The following TTBK2 variants were observed in gnomAD, a reference collection of about 807,000 sequenced individuals.
TTBK2 encodes the protein tau-tubulin kinase 2.
Under a neutral mutation model 110.8 loss-of-function variants are expected in TTBK2, and 28 were observed. That is an observed-to-expected ratio of 0.25 (90% confidence interval 0.19 to 0.35). TTBK2 has a LOEUF of 0.35. TTBK2 is among the 10% of genes least tolerant of loss of function. The probability of loss-of-function intolerance (pLI) is 1.00; values close to 1 mark genes in which losing one functional copy is unlikely to be tolerated. For missense variants in TTBK2, 1,369 were observed against 1,500.3 expected (o/e 0.91, Z 1.45); for synonymous variants, 532 against 527.3 (o/e 1.01, Z -0.12).
chr15:42,784,905 G>C (rs1238606130), intron 10 of TTBK2, among the ~76,000 whole-genome samples: 1 of 152,108 alleles, frequency 6.6e-6, no homozygotes, highest in South Asian at 2.1e-4. Flanking sequence ...TCAGCAGCTG[G>C]GCTTGTAAGA....
chr15:42,765,358 T>C (rs1889311082), intron 13 of TTBK2, among the ~76,000 whole-genome samples: 1 of 152,160 alleles, frequency 6.6e-6, no homozygotes. Context: ...GCAAGGAAGC[T>C]AAAAACCTTG....
chr15:42,902,279 G>A (rs1366383986), intron 1 of TTBK2, among the ~76,000 whole-genome samples: 10 of 151,338 alleles, frequency 6.6e-5, no homozygotes, highest in Non-Finnish European at 8.8e-5. Flanking sequence ...CCAGCATTTC[G>A]GGAGGCCGAG....
In TTBK2 at chr15:42,893,839, GAAC is replaced by G. The variant is rs368846613; in HGVS notation, c.-67-15158_-67-15156del. On this transcript the variant is annotated intron_variant, in intron 1 of 14. Transcript: ENST00000267890. Reference sequence around the variant, plus strand: ...TAAATATATAATTAGGAAACATAATGAACAACATTATACACAGAAAGTGAACAC... The same window carrying G: ...TAAATATATAATTAGGAAACATAATGAACATTATACACAGAAAGTGAACAC... Among the ~76,000 whole-genome samples the G allele has an allele frequency of 6.6e-5, 10 of 152,204 alleles. 1 individual carries two copies. The South Asian group carries it at 1.9e-3, about 28-fold the overall frequency.
intron 5 of TTBK2, 48 bp downstream of exon 5, chr15:42,829,890 T>G: frequency 6.2e-7 from 1 of 1,609,228 alleles, no homozygotes; most frequent in Non-Finnish European, 8.5e-7. Flanking sequence ...CATCATAACA[T>G]TAAAAGTATC....
chr15:42,763,147 T>TACATATATAC (rs1889126972), intron 13 of TTBK2, among the ~76,000 whole-genome samples: 1 of 74,622 alleles, frequency 1.3e-5, no homozygotes, highest in Non-Finnish European at 2.2e-5. Context: ...TACATACATA[T>TACATATATAC]ATATATATAC....
chr15:42,794,796 A>G lies in TTBK2; in HGVS notation c.828T>C (p.Leu276=), dbSNP rs911247081. The G allele has an allele frequency of 1.2e-6, 2 of 1,614,060 alleles. No homozygotes were observed. The highest frequency in any genetic ancestry group is 1.1e-5 in the South Asian group (1 of 91,086). ...TGATGCTATTGTCAAACACGGATGTAAGAAGCTAAACCACAAAGAAAAAAA... is the reference window on the plus strand; with the variant it reads ...TGATGCTATTGTCAAACACGGATGTGAGAAGCTAAACCACAAAGAAAAAAA... ...DYFTKPDYQL[L]TSVFDNSIKT... is the part of the protein sequence containing the mutation. The change falls in exon 10 of 15, where the codon CTT becomes CTC. Residue 276 remains leucine, a synonymous_variant. Coordinates refer to ENST00000267890, the MANE Select transcript of TTBK2 (RefSeq NM_173500.4).
chr15:42,897,823 TACACACACACACACACACAC>T (rs60880098), intron 1 of TTBK2, among the ~76,000 whole-genome samples: 2 of 140,660 alleles, frequency 1.4e-5, no homozygotes, highest in Admixed American at 7.3e-5. Context: ...CCAGTAGTGG[TACACACACACACACACACAC>T]ACACACACAC....
chr15:42,775,036 A>T, intron 13 of TTBK2, 99 bp downstream of exon 13: 1 of 1,291,368 alleles, frequency 7.7e-7, no homozygotes, highest in Non-Finnish European at 1.1e-6. Flanking sequence ...TGCAAAATTT[A>T]GGCCTGTACT....
intron 3 of TTBK2, among the ~76,000 whole-genome samples, chr15:42,852,345 A>G (rs893330121): frequency 1.3e-5 from 2 of 152,240 alleles, no homozygotes; most frequent in African/African-American, 2.4e-5. Flanking sequence ...CTGGGATTAC[A>G]GGCGTGAGCC....
chr15:42,832,151 GAC>G (rs991480714), intron 4 of TTBK2, among the ~76,000 whole-genome samples: 3 of 152,082 alleles, frequency 2.0e-5, no homozygotes, highest in African/African-American at 7.2e-5. Flanking sequence ...TTAAATAAGT[GAC>G]AGTCTACAGC....
In TTBK2 at chr15:42,776,780, ATCAGCTCTTACTGC is replaced by A. The variant is rs1889943785; in HGVS notation, c.1409+237_1409+250del. 1.7e-5 allele frequency: 10 copies of A among 577,550 alleles called. No homozygotes were observed. The East Asian group carries it at 2.9e-4, about 17-fold the overall frequency. 35.8% of individuals were successfully genotyped at this position (577,550 alleles called of 1,614,324 possible). ...AACTTGTACCTAGTGTTAGGAAGTC[ATCAGCTCTTACTGC>A]TCAGCTTCCAAAGCCAAAGGACATG... is the stretch of plus-strand genomic sequence containing the variant. On this transcript the variant is annotated intron_variant, in intron 12 of 14. Coordinates refer to ENST00000267890, the MANE Select transcript of TTBK2 (RefSeq NM_173500.4).
At chr15:42,801,596 C>T (rs760341856) in intron 9 of TTBK2, 12 of 780,236 alleles carry the variant, frequency 1.5e-5, no homozygotes, top group Middle Eastern at 2.5e-4. Context: ...AGCCTGGCTG[C>T]GGTTGGCAAT....
At chr15:42,787,917 A>G (rs1188800745) in intron 10 of TTBK2, among the ~76,000 whole-genome samples, 2 of 152,160 alleles carry the variant, frequency 1.3e-5, no homozygotes, top group African/African-American at 2.4e-5. Context: ...TAAAAAAACT[A>G]TATTGTATAG....
At chr15:42,919,448 G>A (rs2031255567) in intron 1 of TTBK2, among the ~76,000 whole-genome samples, 1 of 152,180 alleles carries the variant, frequency 6.6e-6, no homozygotes. Flanking sequence ...TCAGGGTTTA[G>A]ATACCAATGC....
chr15:42,798,719 T>C (rs1248527131), intron 9 of TTBK2, among the ~76,000 whole-genome samples: 1 of 152,200 alleles, frequency 6.6e-6, no homozygotes, highest in Non-Finnish European at 1.5e-5. Context: ...TTGAGAAATA[T>C]GCTTATACTT....
At chr15:42,837,224 G>A (rs769798387) in intron 4 of TTBK2, among the ~76,000 whole-genome samples, 32 of 151,756 alleles carry the variant, frequency 2.1e-4, no homozygotes, top group Non-Finnish European at 3.8e-4. Context: ...CAGGTGTGGC[G>A]GCGCGCACCT....
In TTBK2 at chr15:42,743,642, CTAA is replaced by C. The variant is rs1566994554; in HGVS notation, c.*2150_*2152del. 1.3e-5 allele frequency: 2 copies of C among 152,208 alleles called. No individual in the cohort carries two copies. The highest frequency in any genetic ancestry group is 4.8e-5 in the African/African-American group (2 of 41,462). The allele number at this position is 152,208 out of a possible 1,614,324, so 9.4% of individuals were successfully genotyped here. A position where few individuals can be genotyped will look rare whatever the true frequency, so the allele number is the denominator to read the frequency against. Reference sequence around the variant, plus strand: ...TCATCATCATCCCAGTTTATCCACTCTAACTATAAGGAGAGAACTATGTGATTA... The same window carrying C: ...TCATCATCATCCCAGTTTATCCACTCCTATAAGGAGAGAACTATGTGATTA... On this transcript the variant is annotated 3_prime_UTR_variant, in exon 15 of 15. Coordinates refer to ENST00000267890, the MANE Select transcript of TTBK2 (RefSeq NM_173500.4).
At chr15:42,766,460 A>AAAAAAAAAAAAAAAAAAAAAAAC in intron 13 of TTBK2, among the ~76,000 whole-genome samples, 2 of 145,808 alleles carry the variant, frequency 1.4e-5, no homozygotes, top group African/African-American at 2.7e-5. Context: ...AAAAAAAAAA[A>AAAAAAAAAAAAAAAAAAAAAAAC]AAAAAAAGCA....
Position 42,826,007 on chromosome 15 carries a change from T to C in TTBK2, c.537+1921A>G, listed in dbSNP as rs140445204. On this transcript the variant is annotated intron_variant, in intron 6 of 14. Transcript: ENST00000267890. Reference sequence around the variant, plus strand: ...CTTAATTTTTTAATGTTTTTTACACTCTTTTGGAATATATATATATATAGC... The same window carrying C: ...CTTAATTTTTTAATGTTTTTTACACCCTTTTGGAATATATATATATATAGC... 4.7e-3 allele frequency among the ~76,000 whole-genome samples: 722 copies of C among 152,184 alleles called. 12 individuals carry two copies. Among genetic ancestry groups the C allele is most frequent in the African/African-American group, 0.017 (690 of 41,508 alleles).
Sources: allele counts gnomAD v4.1 joint callset (sites outside exome capture counted in the v4.1 genomes callset), GRCh38; gene constraint gnomAD v4.1.1; transcripts MANE v1.5; gene names NCBI Gene and HGNC (gene_info 2026-07-23, HGNC 2026-07-21).